PCDH11X: variants seen among roughly 807,000 people sequenced by gnomAD.
PCDH11X encodes protocadherin 11 X-linked.
Under a neutral mutation model 53.3 loss-of-function variants are expected in PCDH11X, and 18 were observed. That is an observed-to-expected ratio of 0.34 (90% CI 0.23 to 0.50). The LOEUF (loss-of-function observed/expected upper bound fraction) is 0.50. PCDH11X is among the 20% of genes least tolerant of loss of function. The pLI, the probability that PCDH11X is intolerant of heterozygous loss-of-function variation, is 0.98. For synonymous variants in PCDH11X, 279 were observed against 393.3 expected, an observed-to-expected ratio of 0.71 and a Z score of 3.44; for missense variants, 570 against 1,032.4, an observed-to-expected ratio of 0.55 and a Z score of 6.14.
At chrX:92,141,721 A>AT (rs2065182738) in intron 6 of PCDH11X, among the ~76,000 whole-genome samples, 1 of 111,928 alleles carries the variant, frequency 8.9e-6, no homozygotes, top group Non-Finnish European at 1.9e-5. Flanking sequence ...CTAATGCAAT[A>AT]TTTTTATAAT....
At chrX:91,996,403 C>A (rs1311018250) in intron 6 of PCDH11X, among the ~76,000 whole-genome samples, 1 of 83,549 alleles carries the variant, frequency 1.2e-5, no homozygotes, top group Non-Finnish European at 2.2e-5. Flanking sequence ...CCTGCCTCGG[C>A]CTCCCAAAGT....
chrX:92,466,188 T>A (rs1190926237), intron 9 of PCDH11X, among the ~76,000 whole-genome samples: 1 of 110,851 alleles, frequency 9.0e-6, no homozygotes. Flanking sequence ...TAAAATTCGG[T>A]TGGATTATTT....
At chrX:92,398,719 A>G (rs1160332426) in intron 9 of PCDH11X, among the ~76,000 whole-genome samples, 4 of 111,254 alleles carry the variant, frequency 3.6e-5, no homozygotes, top group Non-Finnish European at 7.5e-5. Context: ...ATTGCCTAGA[A>G]TAGAATATCA....
intron 6 of PCDH11X, among the ~76,000 whole-genome samples, chrX:92,193,406 C>T (rs2066234889): frequency 9.0e-6 from 1 of 110,737 alleles, no homozygotes. Flanking sequence ...ATGCCAATAA[C>T]CTAAACTATC....
chrX:92,484,143 A>G (rs1273568974), intron 10 of PCDH11X, among the ~76,000 whole-genome samples: 2 of 43,550 alleles, frequency 4.6e-5, no homozygotes, highest in Non-Finnish European at 9.3e-5. Context: ...ATATGTATGT[A>G]TATATATGTA....
chrX:92,478,209 G>A (rs1490452144), intron 10 of PCDH11X, among the ~76,000 whole-genome samples: 2 of 111,312 alleles, frequency 1.8e-5, no homozygotes, highest in Non-Finnish European at 3.8e-5. Context: ...GTGGAACTGT[G>A]AGTCAATTAA....
chrX:92,020,760 G>T (rs952027961), intron 6 of PCDH11X, among the ~76,000 whole-genome samples: 1 of 110,796 alleles, frequency 9.0e-6, no homozygotes, highest in African/African-American at 3.3e-5. Flanking sequence ...TCCAGAAGGG[G>T]TTGTCAGACA....
chrX:91,899,214 G>A (rs1383027954), intron 6 of PCDH11X, among the ~76,000 whole-genome samples: 2 of 110,959 alleles, frequency 1.8e-5, no homozygotes, highest in Non-Finnish European at 3.8e-5. Flanking sequence ...GCAACCTTCA[G>A]TCTGTGGTCG....
intron 4 of PCDH11X, among the ~76,000 whole-genome samples, chrX:91,812,537 T>C (rs533784605): frequency 9.0e-6 from 1 of 111,052 alleles, no homozygotes; most frequent in South Asian, 3.8e-4. Flanking sequence ...TTTCTCCCTG[T>C]TCTCTTTGTG....
intron 8 of PCDH11X, among the ~76,000 whole-genome samples, chrX:92,263,930 TA>T (rs1414729751): frequency 2.7e-5 from 3 of 112,426 alleles, no homozygotes; most frequent in African/African-American, 9.7e-5. Flanking sequence ...TTTTGAGGTT[TA>T]AAGAAATCAA....
At chrX:92,461,904 C>T (rs1459202128) in intron 9 of PCDH11X, among the ~76,000 whole-genome samples, 3 of 112,040 alleles carry the variant, frequency 2.7e-5, no homozygotes, top group African/African-American at 9.7e-5. Flanking sequence ...TTGTAATAGA[C>T]ATTTCTCAAA....
intron 10 of PCDH11X, among the ~76,000 whole-genome samples, chrX:92,518,135 T>C (rs1365554705): frequency 3.6e-5 from 4 of 111,005 alleles, no homozygotes; most frequent in African/African-American, 9.8e-5. Context: ...TTTTTTAAGT[T>C]GAATCTCTTT....
chrX:92,473,995 G>T (rs1322567350), intron 10 of PCDH11X, among the ~76,000 whole-genome samples: 4 of 110,666 alleles, frequency 3.6e-5, no homozygotes, highest in East Asian at 2.9e-4. Context: ...AATTTTTTTT[G>T]CTGTTGCTGT....
chrX:92,543,048 C>T (rs1480495867), intron 10 of PCDH11X, among the ~76,000 whole-genome samples: 1 of 108,851 alleles, frequency 9.2e-6, no homozygotes, highest in Non-Finnish European at 1.9e-5. Flanking sequence ...CAGATTATAA[C>T]ACCACTCACT....
intron 6 of PCDH11X, among the ~76,000 whole-genome samples, chrX:91,882,233 A>G (rs1200867061): frequency 1.8e-5 from 2 of 111,101 alleles, no homozygotes; most frequent in African/African-American, 3.3e-5. Flanking sequence ...TTTTGTATAC[A>G]TTGTAGTAGA....
intron 7 of PCDH11X, among the ~76,000 whole-genome samples, chrX:92,212,813 T>TA (rs1312617170): frequency 1.8e-5 from 2 of 111,243 alleles, no homozygotes; most frequent in African/African-American, 6.5e-5. Context: ...ACTCACACTT[T>TA]AAAAAAATGT....
In PCDH11X at chrX:92,229,956, G is replaced by C. The variant is rs916295416; in HGVS notation, c.3114+28501G>C. 2.7e-5 allele frequency among the ~76,000 whole-genome samples: 3 copies of C among 110,405 alleles called. No individual in the cohort carries two copies. In the East Asian group the frequency reaches 8.7e-4, roughly 32 times the overall value. ...AAAACCAAATGCCTAACTAGATATG[G>C]TTCAGAATACCTTATAAAATGCATT... On this transcript the variant is annotated intron_variant, in intron 7 of 10. Coordinates refer to ENST00000682573, the MANE Select transcript of PCDH11X (RefSeq NM_032968.5).
At chrX:92,184,281 T>G (rs773191212) in intron 6 of PCDH11X, among the ~76,000 whole-genome samples, 7 of 112,040 alleles carry the variant, frequency 6.2e-5, no homozygotes, top group Non-Finnish European at 1.3e-4. Flanking sequence ...ATGTCTTCGT[T>G]TATCACTAGC....
At chrX:92,536,466 A>G (rs1162469828) in intron 10 of PCDH11X, among the ~76,000 whole-genome samples, 5 of 109,886 alleles carry the variant, frequency 4.6e-5, no homozygotes, top group African/African-American at 1.3e-4. Context: ...CTTTCTTTTT[A>G]GTATATACTC....
Sources: allele counts gnomAD v4.1 joint callset (sites outside exome capture counted in the v4.1 genomes callset), GRCh38; gene constraint gnomAD v4.1.1; transcripts MANE v1.5; gene names NCBI Gene and HGNC (gene_info 2026-07-23, HGNC 2026-07-21).